Variants in TUT7 observed in about 807,000 individuals in gnomAD.
TUT7 encodes the protein terminal uridylyl transferase 7.
TUT7 carries 33 observed loss-of-function variants against 165.9 expected under a neutral mutation model. The observed-to-expected ratio is 0.20, with a 90% CI of 0.15 to 0.27. The LOEUF (loss-of-function observed/expected upper bound fraction) is 0.27. Among genes scored for constraint, TUT7 ranks in the 10% least tolerant of loss-of-function variants. TUT7 has a pLI of 1.00. For synonymous variants in TUT7, 552 were observed against 608.1 expected (o/e 0.91, Z 1.36); for missense variants, 1,338 against 1,762.3 (o/e 0.76, Z 4.31).
At chr9:86,320,896 A>G (rs1457718855) in intron 14 of TUT7, among the ~76,000 whole-genome samples, 1 of 152,186 alleles carries the variant, frequency 6.6e-6, no homozygotes, top group Non-Finnish European at 1.5e-5. Context: ...CCTGGCTTAT[A>G]ACAGGCCATG....
chr9:86,296,967 TATAA>T (rs566034792), intron 26 of TUT7, among the ~76,000 whole-genome samples: 10 of 152,262 alleles, frequency 6.6e-5, no homozygotes, highest in African/African-American at 1.7e-4. Context: ...TTTAACCACC[TATAA>T]ATGTTTTCTT....
chr9:86,300,506 T>C (rs562121270), intron 26 of TUT7, among the ~76,000 whole-genome samples: 1 of 152,326 alleles, frequency 6.6e-6, no homozygotes, highest in South Asian at 2.1e-4. Flanking sequence ...ACTTGCACAG[T>C]TCTGAGAAGT....
At chr9:86,329,387 G>A (rs1436892499) in intron 10 of TUT7, among the ~76,000 whole-genome samples, 2 of 152,038 alleles carry the variant, frequency 1.3e-5, no homozygotes, top group Non-Finnish European at 2.9e-5. Flanking sequence ...GCCAGGCATG[G>A]TGGCGCATGC....
chr9:86,297,300 T>C (rs1826412051), intron 26 of TUT7, among the ~76,000 whole-genome samples: 1 of 152,190 alleles, frequency 6.6e-6, no homozygotes, highest in South Asian at 2.1e-4. Context: ...TTCTAAGTAC[T>C]TTTACATGGA....
At chr9:86,328,963 T>C (rs1462756142) in intron 10 of TUT7, among the ~76,000 whole-genome samples, 1 of 152,224 alleles carries the variant, frequency 6.6e-6, no homozygotes, top group African/African-American at 2.4e-5. Flanking sequence ...GCTTGTAGCA[T>C]ACAGCACATA....
At chr9:86,290,895 T>G (rs182903499) in intron 26 of TUT7, among the ~76,000 whole-genome samples, 3 of 151,846 alleles carry the variant, frequency 2.0e-5, no homozygotes, top group Non-Finnish European at 4.4e-5. Flanking sequence ...TCATACTTCA[T>G]ACACATACAA....
At chr9:86,340,309 T>C (rs1032376605) in intron 7 of TUT7, among the ~76,000 whole-genome samples, 44 of 152,180 alleles carry the variant, frequency 2.9e-4, no homozygotes, top group Non-Finnish European at 1.0e-4. Flanking sequence ...AACCCTTAGT[T>C]TGTAAAGTGA....
In TUT7 at chr9:86,301,615, C is replaced by T; in HGVS notation, c.4095-14G>A. 1.3e-6 allele frequency: 2 copies of T among 1,587,394 alleles called. No homozygotes were observed. The highest frequency in any genetic ancestry group is 8.5e-7 in the Non-Finnish European group (1 of 1,171,460). On this transcript the variant is annotated splice_polypyrimidine_tract_variant and intron_variant, in intron 25 of 26. Transcript: ENST00000375963. ...CGCCGTCTTACTCTGTAGAAGATAT[C>T]ATATTAGTAGCAAAAATCTAAACAG...
intron 7 of TUT7, 119 bp downstream of exon 7, chr9:86,340,883 G>T: frequency 1.4e-6 from 1 of 732,500 alleles, no homozygotes; most frequent in South Asian, 1.6e-5. Flanking sequence ...ATTTGCTTTG[G>T]ATATTACCCA....
chr9:86,352,468 C>T, intron 2 of TUT7: 1 of 640,938 alleles, frequency 1.6e-6, no homozygotes, highest in Non-Finnish European at 2.7e-6. Flanking sequence ...GCAAAGTAAA[C>T]TTTTAAAGGG....
At chr9:86,305,292 AT>A (rs777869437) in intron 22 of TUT7, 53 bp from the exon 23 acceptor site, 5 of 1,187,600 alleles carry the variant, frequency 4.2e-6, no homozygotes, top group South Asian at 1.4e-5. Flanking sequence ...AAATGCCACC[AT>A]TCATCCAATA....
chr9:86,347,230 G>C (rs926668464), intron 2 of TUT7, among the ~76,000 whole-genome samples: 3 of 152,076 alleles, frequency 2.0e-5, no homozygotes. Flanking sequence ...TTTTCTCTAA[G>C]TACATTTGTT....
chr9:86,330,880 CTTT>C (rs1242427796), intron 10 of TUT7, among the ~76,000 whole-genome samples: 1 of 142,916 alleles, frequency 7.0e-6, no homozygotes, highest in African/African-American at 2.6e-5. Context: ...TTTTTTCTTT[CTTT>C]TTTTTTTTTG....
Position 86,334,865 on chromosome 9 carries a change from G to A in TUT7, c.1455+2554C>T, listed in dbSNP as rs536744409. Reference sequence around the variant, plus strand: ...CTGATTTTTGTCTTAAATCAGAGTTGCCTTTAGGGGTAGAGCTACAGAAAA... The same window carrying A: ...CTGATTTTTGTCTTAAATCAGAGTTACCTTTAGGGGTAGAGCTACAGAAAA... On this transcript the variant is annotated intron_variant, in intron 10 of 26. Transcript: ENST00000375963. Among the ~76,000 whole-genome samples the A allele has an allele frequency of 4.6e-5, 7 of 152,232 alleles. No homozygotes were observed. The East Asian group carries it at 1.4e-3, about 29-fold the overall frequency.
intron 26 of TUT7, chr9:86,298,698 C>G (rs1368684566): frequency 7.5e-6 from 6 of 801,982 alleles, no homozygotes; most frequent in Non-Finnish European, 7.5e-6. Flanking sequence ...GAAAAAGTCT[C>G]AAAAGGCATG....
chr9:86,345,136 A>G lies in TUT7; in HGVS notation c.838T>C (p.Leu280=). 6 of 1,604,814 alleles carry G rather than the reference A, an allele frequency of 3.7e-6. No homozygotes were observed. Among genetic ancestry groups the G allele is most frequent in the Middle Eastern group, 3.3e-4 (2 of 6,018 alleles). The change falls in exon 5 of 27, where the codon TTG becomes CTG. Residue 280 remains leucine, a synonymous_variant. Transcript: ENST00000375963. ...KNIKEKQEEE[L]LTTLPPPTPS... is the part of the protein sequence containing the mutation. ...GTTGGTGGGGGTAACGTAGTGAGCA[A>G]CTCTTCCTCTTGCTTCTCCTTTTAA...
intron 10 of TUT7, 114 bp downstream of exon 10, chr9:86,337,305 A>C: frequency 8.5e-7 from 1 of 1,177,460 alleles, no homozygotes; most frequent in Non-Finnish European, 1.2e-6. Context: ...GAGTAGAATA[A>C]ATAAATCCAT....
rs922555795 is a variant in TUT7 at position 86,311,457 on chromosome 9, T to C, written c.3275-648A>G. On this transcript the variant is annotated intron_variant, in intron 17 of 26. Coordinates refer to ENST00000375963, the MANE Select transcript of TUT7 (RefSeq NM_024617.4). This position sits in a 1 kb window ranked among gnomAD's most constrained non-coding sequence, Gnocchi z 4.4. ...GGGAAGTTCCAGAGAATTGCATAGG[T>C]TGCCGAATGAACTTGAGGGAATGGA... is the stretch of plus-strand genomic sequence containing the variant. Among the ~76,000 whole-genome samples, 1 of 152,076 alleles carries C rather than the reference T, an allele frequency of 6.6e-6. No individual in the cohort carries two copies. Among genetic ancestry groups the C allele is most frequent in the African/African-American group, 2.4e-5 (1 of 41,424 alleles).
chr9:86,353,974 C>T (rs548180162), intron 1 of TUT7, among the ~76,000 whole-genome samples: 26 of 152,346 alleles, frequency 1.7e-4, no homozygotes, highest in African/African-American at 5.8e-4. Flanking sequence ...TTAGTTTCCA[C>T]CCTTTTGAGC....
Sources: gnomAD v4.1 joint callset for allele counts (sites outside exome capture counted in the v4.1 genomes callset) on GRCh38, gnomAD v4.1.1 for gene constraint, Gnocchi (gnomAD v3.1) non-coding constraint, MANE v1.5 for transcripts, NCBI Gene and HGNC (gene_info 2026-07-23, HGNC 2026-07-21) for gene names.